INPPL1: variants seen among roughly 807,000 people sequenced by gnomAD.
The protein encoded by INPPL1 is inositol polyphosphate phosphatase like 1, also known as phosphatidylinositol 3,4,5-trisphosphate 5-phosphatase 2.
A neutral mutation model predicts 139.3 loss-of-function variants in INPPL1; 91 were observed. That is an observed-to-expected ratio of 0.65 (90% CI 0.55 to 0.78). The LOEUF (loss-of-function observed/expected upper bound fraction) is 0.78. Among genes scored for constraint, INPPL1 ranks in the 30% least tolerant of loss-of-function variants. INPPL1 has a pLI of 0.00. For synonymous variants in INPPL1, 719 were observed against 686.6 expected (o/e 1.05, Z -0.74); for missense variants, 1,411 against 1,665.6 (o/e 0.85, Z 2.66).
Position 72,229,977 on chromosome 11 carries a change from A to G in INPPL1, c.897A>G (p.Pro299=), listed in dbSNP as rs1412474643. ...MSSTAPPAPQ[P]STRKAKTIPV... is the part of the protein sequence containing the mutation. Reference sequence around the variant, plus strand: ...CCACAGCACCCCCAGCTCCGCAGCCATCCACACGTAAGGCCAAGACCATCC... The same window carrying G: ...CCACAGCACCCCCAGCTCCGCAGCCGTCCACACGTAAGGCCAAGACCATCC... Residue 299 remains proline (P), a synonymous_variant, in exon 8 of 28, where the codon CCA becomes CCG. Coordinates refer to ENST00000298229, the MANE Select transcript of INPPL1 (RefSeq NM_001567.4). 6.2e-7 allele frequency: 1 copy of G among 1,614,182 alleles called. No homozygotes were observed. The highest frequency in any genetic ancestry group is 1.1e-5 in the South Asian group (1 of 91,084).
At chr11:72,227,260 G>T (rs930434827) in intron 1 of INPPL1, among the ~76,000 whole-genome samples, 10 of 152,130 alleles carry the variant, frequency 6.6e-5, no homozygotes, top group African/African-American at 2.2e-4. Context: ...TTTATTCTTT[G>T]AGCCTGTTTC....
In INPPL1 at chr11:72,237,164, GC is replaced by G. The variant is rs749079348; in HGVS notation, c.2927del (p.Pro976HisfsTer155). On this transcript the variant is annotated frameshift_variant, in exon 26 of 28. Transcript: ENST00000298229. LOFTEE classifies it high-confidence loss of function. ...AGCTCCTGAACCAGAAGGGGTGGCG[GC>G]CCCCCCACCCAAGAACAGCTTCAAT... ...EGAPEPEGVA[A>X]PPPKNSFNNP... The G allele has an allele frequency of 5.0e-6, 8 of 1,600,830 alleles. No homozygotes were observed. The highest frequency in any genetic ancestry group is 5.1e-6 in the Non-Finnish European group (6 of 1,170,422).
At chr11:72,230,608 G>A in intron 10 of INPPL1, 140 bp downstream of exon 10, 2 of 920,620 alleles carry the variant, frequency 2.2e-6, no homozygotes, top group Non-Finnish European at 1.7e-6. Flanking sequence ...AGGGTAGAGG[G>A]TGTTGAGAAC....
Position 72,232,336 on chromosome 11 carries a change from G to C in INPPL1, c.1712G>C (p.Arg571Pro). ...ACCTCGGGAAATGAGAAGACGGCTCGGTGAGGGGGCGCCTTTCCCATGGTC... is the reference window on the plus strand; with the variant it reads ...ACCTCGGGAAATGAGAAGACGGCTCCGTGAGGGGGCGCCTTTCCCATGGTC... The part of the protein sequence containing the change: ...HLTSGNEKTA[R>P]RNQNYLDILR... The change falls in exon 14 of 28, where the codon CGG (arginine) becomes CCG (proline). Residue 571 changes from arginine (R) to proline (P), a missense_variant and splice_region_variant. Physicochemically the swap from Arg to Pro is moderately radical, Grantham distance 103 (BLOSUM62 -2). Coordinates refer to ENST00000298229, the MANE Select transcript of INPPL1 (RefSeq NM_001567.4). The C allele has an allele frequency of 6.4e-7, 1 of 1,551,320 alleles. No homozygotes were observed. The highest frequency in any genetic ancestry group is 8.7e-7 in the Non-Finnish European group (1 of 1,146,726).
intron 1 of INPPL1, among the ~76,000 whole-genome samples, chr11:72,226,054 T>A (rs1000298460): frequency 2.6e-5 from 4 of 152,218 alleles, no homozygotes; most frequent in African/African-American, 9.7e-5. Flanking sequence ...TTTAGATCTT[T>A]ATTTAGATCT....
At chr11:72,236,131 T>G (rs952896845) in intron 25 of INPPL1, 145 bp downstream of exon 25, 12 of 597,016 alleles carry the variant, frequency 2.0e-5, no homozygotes, top group Non-Finnish European at 3.3e-5. Flanking sequence ...CATGGCCTTA[T>G]GCCTGTGGCC....
At position 72,233,695 on chromosome 11, in the gene INPPL1, G is replaced by A. The variant is rs1323615778; in HGVS notation, c.2163G>A (p.Val721=). The A allele has an allele frequency of 3.7e-6, 6 of 1,614,000 alleles. No individual in the cohort carries two copies. In the Admixed American group the frequency reaches 1.0e-4, roughly 27 times the overall value. The change falls in exon 19 of 28, where the codon GTG becomes GTA. Residue 721 remains valine (V), a synonymous_variant. Coordinates refer to ENST00000298229, the MANE Select transcript of INPPL1 (RefSeq NM_001567.4). ...TCGTCACCAGCGACCATTCCCCCGTGTTTGGGACATTTGAGGTTGGAGTTA... is the reference window on the plus strand; with the variant it reads ...TCGTCACCAGCGACCATTCCCCCGTATTTGGGACATTTGAGGTTGGAGTTA... ...DDIVTSDHSP[V]FGTFEVGVTS...
At chr11:72,229,016 T>G in intron 4 of INPPL1, 74 bp from the exon 5 acceptor site, 2 of 1,537,870 alleles carry the variant, frequency 1.3e-6, no homozygotes, top group Non-Finnish European at 1.8e-6. Context: ...AGGTACTATC[T>G]CCTCTAGGGA....
Position 72,229,951 on chromosome 11 carries a change from T to C in INPPL1, c.871T>C (p.Ser291Pro). 1 of 1,614,046 alleles carries C rather than the reference T, an allele frequency of 6.2e-7. No individual in the cohort carries two copies. The highest frequency in any genetic ancestry group is 8.5e-7 in the Non-Finnish European group (1 of 1,180,014). Reference protein sequence around the residue: ...KALKALQDMSSTAPPAPQPST... With the variant: ...KALKALQDMSPTAPPAPQPST... Reference sequence around the variant, plus strand: ...CCTGAAGGCCCTACAGGACATGAGCTCCACAGCACCCCCAGCTCCGCAGCC... The same window carrying C: ...CCTGAAGGCCCTACAGGACATGAGCCCCACAGCACCCCCAGCTCCGCAGCC... The change falls in exon 8 of 28, where the codon TCC becomes CCC. Residue 291 changes from serine (S) to proline (P), a missense_variant. Physicochemically the swap from Ser to Pro is moderately conservative, Grantham distance 74 (BLOSUM62 -1). Coordinates refer to ENST00000298229, the MANE Select transcript of INPPL1 (RefSeq NM_001567.4).
At chr11:72,237,884 G>A in intron 26 of INPPL1, 88 bp downstream of exon 26, 3 of 1,484,520 alleles carry the variant, frequency 2.0e-6, no homozygotes, top group Non-Finnish European at 2.7e-6. Flanking sequence ...CAGCACTCAT[G>A]GTGTCCCTGC....
At chr11:72,229,394 G>A in intron 5 of INPPL1, 71 bp from the exon 6 acceptor site, 1 of 1,491,848 alleles carries the variant, frequency 6.7e-7, no homozygotes, top group Non-Finnish European at 9.3e-7. Flanking sequence ...TGAGGTTGAG[G>A]CTACACCCAG....
chr11:72,233,506 C>T lies in INPPL1; in HGVS notation c.2106C>T (p.Ile702=). The change falls in exon 18 of 28, where the codon ATC becomes ATT. Residue 702 remains isoleucine (I), a synonymous_variant. Coordinates refer to ENST00000298229, the MANE Select transcript of INPPL1 (RefSeq NM_001567.4). ...GGAAATCCTACCCTGAAACTCACAT[C>T]ATCTGCAATTCTTATGGTCAGAGCC... ...ILWKSYPETH[I]ICNSYGCTDD... 3 of 1,614,126 alleles carry T rather than the reference C, an allele frequency of 1.9e-6. No individual in the cohort carries two copies. Among genetic ancestry groups the T allele is most frequent in the African/African-American group, 2.7e-5 (2 of 75,040 alleles).
chr11:72,229,285 C>A (rs893722551), intron 5 of INPPL1, 55 bp downstream of exon 5: 1 of 1,544,006 alleles, frequency 6.5e-7, no homozygotes, highest in African/African-American at 1.4e-5. Context: ...CCTGTCCTCA[C>A]CTGCTTCCCG....
chr11:72,228,573 C>CATGTAACCCCCTTTCCTGT lies in INPPL1; in HGVS notation c.397+76_397+77insTGTAACCCCCTTTCCTGTA. The CATGTAACCCCCTTTCCTGT allele has an allele frequency of 6.4e-7, 1 of 1,567,692 alleles. No homozygotes were observed. Among genetic ancestry groups the CATGTAACCCCCTTTCCTGT allele is most frequent in the South Asian group, 1.1e-5 (1 of 88,974 alleles). ...CCTGCCTCTTCCCATCCCCCCTTCT[C>CATGTAACCCCCTTTCCTGT]AACCCCACCTCTCCTGTAACCCCCT... On this transcript the variant is annotated intron_variant, in intron 3 of 27. Transcript: ENST00000298229. This position sits in a 1 kb window ranked among gnomAD's most constrained non-coding sequence, Gnocchi z 5.0.
chr11:72,238,052 T>G lies in INPPL1; in HGVS notation c.3563T>G (p.Leu1188Arg), dbSNP rs761199581. Reference sequence around the variant, plus strand: ...GCCCTGTTTCCTTAGGCTCCGTGCCTGCAGGGCGGGCGGGCCAGCGGGCTG... The same window carrying G: ...GCCCTGTTTCCTTAGGCTCCGTGCCGGCAGGGCGGGCGGGCCAGCGGGCTG... ...QEDLAEEAPC[L>R]QGGRASGLGE... The change falls in exon 27 of 28, where the codon CTG (leucine) becomes CGG (arginine). Residue 1188 changes from leucine to arginine, a missense_variant. Physicochemically the swap from Leu to Arg is moderately radical, Grantham distance 102. Transcript: ENST00000298229. 10 of 1,554,814 alleles carry G rather than the reference T, an allele frequency of 6.4e-6. 1 individual carries two copies. In the Admixed American group the frequency reaches 1.5e-4, roughly 24 times the overall value.
rs1408599141 is a variant in INPPL1, at chr11:72,237,949, C to T, written c.3553-93C>T. 6.2e-6 allele frequency: 9 copies of T among 1,460,744 alleles called. No individual in the cohort carries two copies. The East Asian group carries it at 7.1e-5, about 12-fold the overall frequency. The allele number at this position is 1,460,744 out of a possible 1,614,324, so 90.5% of individuals were successfully genotyped here. On this transcript the variant is annotated intron_variant, in intron 26 of 27. Coordinates refer to ENST00000298229, the MANE Select transcript of INPPL1 (RefSeq NM_001567.4). ...AGACACATGTATCAGCCCAGCCCTT[C>T]CCTTCCTTTTCCCCAGAGCATGCAG...
chr11:72,230,511 C>G lies in INPPL1; in HGVS notation c.1197+43C>G, dbSNP rs757782447. ...CCAGGCCACTGGGGACTGCGGGGGT[C>G]CCCCACATGGGTGCTTCCCATTGGA... On this transcript the variant is annotated intron_variant, in intron 10 of 27. Transcript: ENST00000298229. The G allele has an allele frequency of 1.9e-6, 3 of 1,565,194 alleles. No homozygotes were observed. In the Admixed American group the frequency reaches 5.0e-5, roughly 26 times the overall value.
rs745426904 is a variant in INPPL1, at chr11:72,232,284, T to C, written c.1660T>C (p.Ser554Pro). Reference sequence around the variant, plus strand: ...CGTCTCCTTCATGTTTAATGGCACCTCATTTGGCTTTGTGAATTGTCACCT... The same window carrying C: ...CGTCTCCTTCATGTTTAATGGCACCCCATTTGGCTTTGTGAATTGTCACCT... Reference protein sequence around the residue: ...VGVSFMFNGTSFGFVNCHLTS... With the variant: ...VGVSFMFNGTPFGFVNCHLTS... The change falls in exon 14 of 28, where the codon TCA becomes CCA. Residue 554 changes from serine (S) to proline (P), a missense_variant. This residue lies in a region of INPPL1 where 363 missense variants were observed against 446.2 expected (regional missense o/e 0.81). Coordinates refer to ENST00000298229, the MANE Select transcript of INPPL1 (RefSeq NM_001567.4). 6.4e-7 allele frequency: 1 copy of C among 1,556,832 alleles called. No individual in the cohort carries two copies. The highest frequency in any genetic ancestry group is 8.7e-7 in the Non-Finnish European group (1 of 1,149,472).
rs773625159 is a variant in INPPL1 at position 72,234,328 on chromosome 11, G to A, written c.2260G>A (p.Glu754Lys). ...GGCCTACATTGAGTTTGAGAGCATC[G>A]AGGCCATTGTGAAGACAGCCAGCCG... The part of the protein sequence containing the change: ...DQAYIEFESI[E>K]AIVKTASRTK... Residue 754 changes from glutamate to lysine, a missense_variant, in exon 20 of 28, where the codon GAG becomes AAG. Glu to Lys is a moderately conservative substitution (Grantham distance 56, BLOSUM62 1). Coordinates refer to ENST00000298229, the MANE Select transcript of INPPL1 (RefSeq NM_001567.4). This position sits in a 1 kb window ranked among gnomAD's most constrained non-coding sequence, Gnocchi z 4.2. The A allele has an allele frequency of 8.1e-6, 13 of 1,613,980 alleles. No individual in the cohort carries two copies. The African/African-American group carries it at 9.3e-5, about 12-fold the overall frequency.
Sources: gnomAD v4.1 joint callset for allele counts (sites outside exome capture counted in the v4.1 genomes callset) on GRCh38, gnomAD v4.1.1 for gene constraint, gnomAD v4.1.1 regional missense constraint, Gnocchi (gnomAD v3.1) non-coding constraint, MANE v1.5 for transcripts, NCBI Gene and HGNC (gene_info 2026-07-23, HGNC 2026-07-21) for gene names.